DCC: variants seen among roughly 807,000 people sequenced by gnomAD.
DCC encodes DCC netrin 1 receptor, also known as netrin receptor DCC.
DCC carries 58 observed loss-of-function variants against 172.5 expected under a neutral mutation model. The ratio of observed to expected loss-of-function variants is 0.34; its 90% CI spans 0.27 to 0.42. The LOEUF (loss-of-function observed/expected upper bound fraction) is 0.42. Among genes scored for constraint, DCC ranks in the 10% least tolerant of loss-of-function variants. The pLI is 1.00. For synonymous variants in DCC, 709 were observed against 644.5 expected (o/e 1.10, Z -1.52); for missense variants, 1,740 against 1,791.0 (o/e 0.97, Z 0.51).
chr18:52,944,044 C>T (rs1420876315), intron 5 of DCC, among the ~76,000 whole-genome samples: 1 of 152,200 alleles, frequency 6.6e-6, no homozygotes, highest in Non-Finnish European at 1.5e-5. Context: ...AGGCATCAGC[C>T]ACCACCTCTG....
intron 12 of DCC, among the ~76,000 whole-genome samples, chr18:53,242,487 C>A (rs1427000900): frequency 6.6e-6 from 1 of 152,128 alleles, no homozygotes; most frequent in Non-Finnish European, 1.5e-5. Context: ...TACAAAATGA[C>A]CTACTCAGTG....
chr18:53,108,010 G>A (rs569222949), intron 7 of DCC, among the ~76,000 whole-genome samples: 182 of 151,322 alleles, frequency 1.2e-3, no homozygotes, highest in Middle Eastern at 3.4e-3. Flanking sequence ...CAATGCATCC[G>A]AGAAAAATAA....
intron 19 of DCC, 75 bp downstream of exon 19, chr18:53,402,968 C>G: frequency 9.6e-7 from 1 of 1,044,140 alleles, no homozygotes; most frequent in South Asian, 1.3e-5. Context: ...ATGAGCTGCT[C>G]CTGCCTTTCG....
intron 1 of DCC, among the ~76,000 whole-genome samples, chr18:52,581,187 T>TTATCTGTCTATCTATCTATC: frequency 6.8e-6 from 1 of 146,554 alleles, no homozygotes; most frequent in Non-Finnish European, 1.5e-5. Context: ...TCTATATATC[T>TTATCTGTCTATCTATCTATC]TATCTATCTA....
intron 7 of DCC, among the ~76,000 whole-genome samples, chr18:53,154,628 T>A (rs1322633819): frequency 6.6e-6 from 1 of 152,118 alleles, no homozygotes; most frequent in East Asian, 1.9e-4. Context: ...ATGGTGTCAA[T>A]GGAAGCATGG....
chr18:52,614,328 TC>T (rs1410807841), intron 1 of DCC, among the ~76,000 whole-genome samples: 1 of 152,202 alleles, frequency 6.6e-6, no homozygotes, highest in Non-Finnish European at 1.5e-5. Flanking sequence ...GGCTACTTCT[TC>T]CAAAAGAATT....
At chr18:53,182,490 A>T (rs2055211994) in intron 9 of DCC, among the ~76,000 whole-genome samples, 1 of 152,242 alleles carries the variant, frequency 6.6e-6, no homozygotes. Flanking sequence ...TAAACAAGAC[A>T]TTCAGAATAT....
At chr18:52,489,771 C>T (rs995766926) in intron 1 of DCC, among the ~76,000 whole-genome samples, 6 of 152,102 alleles carry the variant, frequency 3.9e-5, no homozygotes, top group Non-Finnish European at 7.4e-5. Flanking sequence ...AACATAGAAG[C>T]TTCACCTGGG....
intron 5 of DCC, among the ~76,000 whole-genome samples, chr18:52,941,929 C>G (rs996298710): frequency 6.6e-6 from 1 of 151,968 alleles, no homozygotes; most frequent in African/African-American, 2.4e-5. Flanking sequence ...ATTACAGGCA[C>G]CTGCCACCAT....
intron 2 of DCC, among the ~76,000 whole-genome samples, chr18:52,870,470 A>G (rs2039301508): frequency 6.6e-6 from 1 of 152,186 alleles, no homozygotes; most frequent in African/African-American, 2.4e-5. Context: ...CTGTGAAACG[A>G]ATGAAAGGCC....
chr18:53,131,953 A>T (rs74988171), intron 7 of DCC, among the ~76,000 whole-genome samples: 225 of 58,274 alleles, frequency 3.9e-3, no homozygotes, highest in Admixed American at 0.016. Flanking sequence ...TCTCTAAGTG[A>T]TTTTTTTTTT....
intron 14 of DCC, among the ~76,000 whole-genome samples, chr18:53,333,949 C>T (rs2057562352): frequency 6.6e-6 from 1 of 152,156 alleles, no homozygotes; most frequent in South Asian, 2.1e-4. Flanking sequence ...TTGAACATGA[C>T]CCAAGGAAAT....
intron 12 of DCC, among the ~76,000 whole-genome samples, chr18:53,240,308 A>C (rs7234060): frequency 3.9e-5 from 6 of 152,112 alleles, no homozygotes; most frequent in African/African-American, 1.4e-4. Flanking sequence ...TACTCCTTAC[A>C]CTGAATATTT....
At chr18:52,355,271 C>T (rs915791687) in intron 1 of DCC, among the ~76,000 whole-genome samples, 1 of 151,884 alleles carries the variant, frequency 6.6e-6, no homozygotes, top group African/African-American at 2.4e-5. Flanking sequence ...ACTGATCAGG[C>T]AGAAAAGGAC....
chr18:52,749,413 G>A (rs748216557), intron 1 of DCC, among the ~76,000 whole-genome samples: 5 of 152,100 alleles, frequency 3.3e-5, no homozygotes, highest in Non-Finnish European at 7.4e-5. Flanking sequence ...ACTAACATGA[G>A]CTGAAACTTA....
chr18:53,265,706 G>A (rs16956439), intron 12 of DCC, among the ~76,000 whole-genome samples: 7,449 of 152,282 alleles, frequency 0.049, 640 homozygotes, highest in African/African-American at 0.17. Flanking sequence ...AGGATATGCA[G>A]ATGATGCAAC....
chr18:53,490,637 G>GTTTCT (rs1244732231), intron 26 of DCC, among the ~76,000 whole-genome samples: 1 of 152,140 alleles, frequency 6.6e-6, no homozygotes, highest in Non-Finnish European at 1.5e-5. Flanking sequence ...ACAAAAGCAG[G>GTTTCT]TTTCTTTGCT....
intron 1 of DCC, among the ~76,000 whole-genome samples, chr18:52,588,227 C>T (rs1331966987): frequency 6.6e-6 from 1 of 152,194 alleles, no homozygotes; most frequent in African/African-American, 2.4e-5. Flanking sequence ...CCTATAGGGT[C>T]CTGCCAAAGG....
intron 2 of DCC, among the ~76,000 whole-genome samples, chr18:52,800,471 A>G (rs973670608): frequency 6.6e-6 from 1 of 152,178 alleles, no homozygotes; most frequent in African/African-American, 2.4e-5. Context: ...TTCTTTATTC[A>G]TTGATTCAGG....
Sources: gnomAD v4.1 joint callset for allele counts (sites outside exome capture counted in the v4.1 genomes callset) on GRCh38, gnomAD v4.1.1 for gene constraint, MANE v1.5 for transcripts, NCBI Gene and HGNC (gene_info 2026-07-23, HGNC 2026-07-21) for gene names.